Variants in SH3RF1 observed in about 807,000 individuals in gnomAD.
SH3RF1 encodes SH3 domain containing ring finger 1.
A neutral mutation model predicts 74.0 loss-of-function variants in SH3RF1; 32 were observed. The ratio of observed to expected loss-of-function variants is 0.43; its 90% CI spans 0.33 to 0.58. The LOEUF is 0.58. Among genes scored for constraint, SH3RF1 ranks in the 20% least tolerant of loss-of-function variants. The probability of loss-of-function intolerance (pLI) is 0.05; values close to 1 mark genes in which losing one functional copy is unlikely to be tolerated. For missense variants in SH3RF1, 954 were observed against 1,130.9 expected (o/e 0.84, Z 2.24); for synonymous variants, 396 against 439.6 (o/e 0.90, Z 1.24).
intron 2 of SH3RF1, among the ~76,000 whole-genome samples, chr4:169,158,334 G>T (rs1734095599): frequency 6.6e-6 from 1 of 152,154 alleles, no homozygotes. Context: ...GGCATTCCAG[G>T]CAGAGGGGTC....
At chr4:169,194,527 T>A (rs1734778832) in intron 2 of SH3RF1, among the ~76,000 whole-genome samples, 2 of 152,200 alleles carry the variant, frequency 1.3e-5, no homozygotes, top group African/African-American at 4.8e-5. Flanking sequence ...GTGAAATTTA[T>A]CCATATGATT....
chr4:169,124,895 T>C (rs1387918574), intron 6 of SH3RF1, among the ~76,000 whole-genome samples: 2 of 152,198 alleles, frequency 1.3e-5, no homozygotes, highest in Non-Finnish European at 2.9e-5. Context: ...AAACCACACG[T>C]AGCCTTTCAT....
intron 5 of SH3RF1, among the ~76,000 whole-genome samples, chr4:169,133,931 G>A (rs943586109): frequency 1.3e-5 from 2 of 152,176 alleles, no homozygotes; most frequent in Non-Finnish European, 2.9e-5. Flanking sequence ...GGGAAAAGGA[G>A]AGTCCTGTTT....
intron 2 of SH3RF1, among the ~76,000 whole-genome samples, chr4:169,195,059 A>G (rs1157754288): frequency 6.6e-6 from 1 of 152,180 alleles, no homozygotes; most frequent in Non-Finnish European, 1.5e-5. Context: ...GATAATTTTT[A>G]TCCTGCCTAA....
At chr4:169,267,602 C>G (rs1174748474) in intron 2 of SH3RF1, among the ~76,000 whole-genome samples, 5 of 152,170 alleles carry the variant, frequency 3.3e-5, no homozygotes, top group Non-Finnish European at 5.9e-5. Context: ...AGAAACCTGA[C>G]AGCCTTAATG....
At chr4:169,100,817 T>G (rs1733013997) in intron 11 of SH3RF1, among the ~76,000 whole-genome samples, 1 of 152,134 alleles carries the variant, frequency 6.6e-6, no homozygotes, top group Admixed American at 6.5e-5. Context: ...ACCACAAAAG[T>G]CCCAAACACT....
chr4:169,159,043 G>A (rs144057292), intron 2 of SH3RF1, among the ~76,000 whole-genome samples: 223 of 152,246 alleles, frequency 1.5e-3, no homozygotes, highest in Admixed American at 3.2e-3. Context: ...ACACCCTCCT[G>A]TGACCTCTGA....
intron 2 of SH3RF1, among the ~76,000 whole-genome samples, chr4:169,226,858 CCTAA>C (rs2127005051): frequency 6.6e-6 from 1 of 152,208 alleles, no homozygotes; most frequent in Non-Finnish European, 1.5e-5. Context: ...ACCTCAGTCA[CCTAA>C]CTGCTTTTAA....
chr4:169,260,889 G>A (rs986360046), intron 2 of SH3RF1, among the ~76,000 whole-genome samples: 1 of 151,906 alleles, frequency 6.6e-6, no homozygotes, highest in South Asian at 2.1e-4. Flanking sequence ...TAATCTTTTC[G>A]GTATCTTTTC....
At chr4:169,150,432 T>A (rs1190193986) in intron 4 of SH3RF1, among the ~76,000 whole-genome samples, 4 of 152,210 alleles carry the variant, frequency 2.6e-5, no homozygotes, top group Admixed American at 2.6e-4. Flanking sequence ...CACTGTGGAA[T>A]GGCTAAATTG....
chr4:169,159,389 T>G (rs568283216), intron 2 of SH3RF1, among the ~76,000 whole-genome samples: 8 of 151,934 alleles, frequency 5.3e-5, no homozygotes, highest in African/African-American at 1.2e-4. Flanking sequence ...GAGAGAGAGA[T>G]AGAGAGAGAG....
At chr4:169,125,371 T>C (rs1210260102) in intron 6 of SH3RF1, among the ~76,000 whole-genome samples, 1 of 152,024 alleles carries the variant, frequency 6.6e-6, no homozygotes, top group Admixed American at 6.6e-5. Flanking sequence ...AAAGTTCAAG[T>C]ATATGGGTGT....
Position 169,155,546 on chromosome 4 carries a change from C to T in SH3RF1, c.699G>A (p.Val233=). The change falls in exon 4 of 12, where the codon GTG becomes GTA. Residue 233 remains valine (V), a synonymous_variant. Coordinates refer to ENST00000284637, the MANE Select transcript of SH3RF1 (RefSeq NM_020870.4). ...GCATTCCTTCAGCCCAGTTTTCATC[C>T]ACTCTTCGGATCACAGTCAGAACAT... ...KDDVLTVIRR[V]DENWAEGMLA... is the part of the protein sequence containing the mutation. The T allele has an allele frequency of 2.5e-6, 4 of 1,613,602 alleles. No homozygotes were observed. The highest frequency in any genetic ancestry group is 1.6e-4 in the Middle Eastern group (1 of 6,062).
At chr4:169,262,532 C>A (rs77566522) in intron 2 of SH3RF1, among the ~76,000 whole-genome samples, 8 of 151,984 alleles carry the variant, frequency 5.3e-5, no homozygotes, top group Admixed American at 5.2e-4. Flanking sequence ...CCAGGCATGG[C>A]GGTAGGCGCC....
At chr4:169,225,612 C>CAAG (rs1240483530) in intron 2 of SH3RF1, among the ~76,000 whole-genome samples, 1 of 152,108 alleles carries the variant, frequency 6.6e-6, no homozygotes, top group East Asian at 1.9e-4. Context: ...GCAGTTTCAT[C>CAAG]AAGACAGAAA....
At chr4:169,244,617 C>T (rs1392983312) in intron 2 of SH3RF1, among the ~76,000 whole-genome samples, 1 of 152,112 alleles carries the variant, frequency 6.6e-6, no homozygotes, top group African/African-American at 2.4e-5. Flanking sequence ...CACACAAGAT[C>T]CAACATCCTG....
chr4:169,157,037 A>C (rs561625211), intron 2 of SH3RF1, among the ~76,000 whole-genome samples: 1 of 152,348 alleles, frequency 6.6e-6, no homozygotes, highest in South Asian at 2.1e-4. Context: ...AACTTCCTAC[A>C]TTAACTACTT....
intron 5 of SH3RF1, among the ~76,000 whole-genome samples, chr4:169,131,284 A>G (rs1437816169): frequency 6.6e-6 from 1 of 152,208 alleles, no homozygotes; most frequent in Non-Finnish European, 1.5e-5. Context: ...ATTAGTCTAT[A>G]TATTGATTGA....
intron 10 of SH3RF1, among the ~76,000 whole-genome samples, chr4:169,107,948 C>T (rs1164483423): frequency 1.3e-5 from 2 of 150,996 alleles, no homozygotes; most frequent in East Asian, 1.9e-4. Flanking sequence ...TACAAATAAG[C>T]GTGTTTTTGT....
Sources: allele counts gnomAD v4.1 joint callset (sites outside exome capture counted in the v4.1 genomes callset), GRCh38; gene constraint gnomAD v4.1.1; transcripts MANE v1.5; gene names NCBI Gene and HGNC (gene_info 2026-07-23, HGNC 2026-07-21).